Variants in CBFB observed in about 807,000 individuals in gnomAD.
CBFB encodes CBF-beta.
Under a neutral mutation model 30.4 loss-of-function variants are expected in CBFB, and 9 were observed. The ratio of observed to expected loss-of-function variants is 0.30; its 90% CI spans 0.18 to 0.52. The LOEUF (loss-of-function observed/expected upper bound fraction) is 0.52, where lower values mean the gene tolerates loss of function less well. CBFB is among the 20% of genes least tolerant of loss of function. CBFB has a pLI of 0.97. For synonymous variants in CBFB, 94 were observed against 84.0 expected, an observed-to-expected ratio of 1.12 and a Z score of -0.65; for missense variants, 170 against 244.0, an observed-to-expected ratio of 0.70 and a Z score of 2.02.
At chr16:67,029,647 A>G in intron 1 of CBFB, 80 bp from the exon 2 acceptor site, 1 of 1,374,010 alleles carries the variant, frequency 7.3e-7, no homozygotes, top group Non-Finnish European at 1.0e-6. Flanking sequence ...GCTTGCCCTT[A>G]TCGGCGCTGC....
At chr16:67,038,938 C>T (rs1966488227) in intron 3 of CBFB, among the ~76,000 whole-genome samples, 1 of 152,174 alleles carries the variant, frequency 6.6e-6, no homozygotes. Flanking sequence ...TTTAATGATA[C>T]TGCTTCACTA....
intron 2 of CBFB, among the ~76,000 whole-genome samples, chr16:67,031,196 C>T (rs970871890): frequency 1.3e-5 from 2 of 152,122 alleles, no homozygotes; most frequent in African/African-American, 4.8e-5. Context: ...TGAGAAGATA[C>T]TGGTTAAATT....
Position 67,029,741 on chromosome 16 carries a change from C to T in CBFB, c.93C>T (p.Gly31=). Residue 31 remains glycine, a synonymous_variant, in exon 2 of 6, where the codon GGC becomes GGT. Transcript: ENST00000412916. ...TTGCCTTGCAGATTAAGTACACGGG[C>T]TTCAGGGACCGGCCCCACGAGGAAC... is the stretch of plus-strand genomic sequence containing the variant. ...LSRECEIKYT[G]FRDRPHEERQ... 1 of 1,596,290 alleles carries T rather than the reference C, an allele frequency of 6.3e-7. No individual in the cohort carries two copies. Among genetic ancestry groups the T allele is most frequent in the Non-Finnish European group, 8.5e-7 (1 of 1,172,800 alleles).
At chr16:67,053,848 T>TC (rs1960637295) in intron 3 of CBFB, among the ~76,000 whole-genome samples, 1 of 151,810 alleles carries the variant, frequency 6.6e-6, no homozygotes, top group African/African-American at 2.4e-5. Context: ...TTTATCCTTT[T>TC]TTTTTTTTTT....
intron 3 of CBFB, among the ~76,000 whole-genome samples, chr16:67,055,844 T>C (rs1477646776): frequency 6.6e-6 from 1 of 152,208 alleles, no homozygotes; most frequent in Non-Finnish European, 1.5e-5. Context: ...GACTGTCCAT[T>C]TATGAACAGG....
intron 5 of CBFB, 129 bp downstream of exon 5, chr16:67,082,437 A>T (rs1961591701): frequency 8.7e-7 from 1 of 1,145,570 alleles, no homozygotes; most frequent in Non-Finnish European, 1.2e-6. Context: ...AAAAAGTTGT[A>T]CTCTCTGGCT....
chr16:67,050,262 TAATATATA>T (rs1214442597), intron 3 of CBFB, among the ~76,000 whole-genome samples: 1 of 147,712 alleles, frequency 6.8e-6, no homozygotes, highest in Non-Finnish European at 1.5e-5. Context: ...AAATTATATA[TAATATATA>T]AATATATAAT....
chr16:67,083,596 C>T lies in CBFB; in HGVS notation c.495+1288C>T, dbSNP rs1449571828. ...TACAGGCGTGAGCCACTGCGTCTGGCCCATTATTTCAGTTTTTATAGTTAA... is the reference window on the plus strand; with the variant it reads ...TACAGGCGTGAGCCACTGCGTCTGGTCCATTATTTCAGTTTTTATAGTTAA... On this transcript the variant is annotated intron_variant, in intron 5 of 5. Transcript: ENST00000412916. 2.6e-5 allele frequency among the ~76,000 whole-genome samples: 4 copies of T among 152,120 alleles called. 1 individual carries two copies. The highest frequency in any genetic ancestry group is 7.2e-5 in the African/African-American group (3 of 41,422).
chr16:67,037,747 A>T (rs1966466012), intron 3 of CBFB, among the ~76,000 whole-genome samples: 1 of 148,754 alleles, frequency 6.7e-6, no homozygotes, highest in Non-Finnish European at 1.5e-5. Flanking sequence ...GGCTCACAGC[A>T]ACCTCCACCT....
chr16:67,038,652 A>T (rs1338548166), intron 3 of CBFB, among the ~76,000 whole-genome samples: 1 of 152,086 alleles, frequency 6.6e-6, no homozygotes, highest in Non-Finnish European at 1.5e-5. Flanking sequence ...TTGTACGATT[A>T]TTGGTTTTTT....
At chr16:67,036,527 A>G in intron 2 of CBFB, 112 bp from the exon 3 acceptor site, 1 of 633,742 alleles carries the variant, frequency 1.6e-6, no homozygotes, top group Non-Finnish European at 2.9e-6. Flanking sequence ...ACTTTTAAGT[A>G]TTCTCTGTGC....
intron 4 of CBFB, among the ~76,000 whole-genome samples, chr16:67,072,921 C>T (rs1961273265): frequency 6.6e-6 from 1 of 152,084 alleles, no homozygotes; most frequent in South Asian, 2.1e-4. Flanking sequence ...CCATGTTGGC[C>T]AGGCTGGTCT....
At position 67,034,043 on chromosome 16, in the gene CBFB, T is replaced by A. The variant is rs866455903; in HGVS notation, c.166-2596T>A. The stretch of plus-strand genomic sequence containing the variant: ...TGGGGTTTCACTATATTGGCCAGAC[T>A]GGTGTTAAACTTCTGACTTCGTGAT... On this transcript the variant is annotated intron_variant, in intron 2 of 5. Transcript: ENST00000412916. Among the ~76,000 whole-genome samples, 7 of 152,130 alleles carry A rather than the reference T, an allele frequency of 4.6e-5. No individual in the cohort carries two copies. In the South Asian group the frequency reaches 6.2e-4, roughly 14 times the overall value.
At chr16:67,048,665 C>G (rs898161744) in intron 3 of CBFB, among the ~76,000 whole-genome samples, 1 of 151,896 alleles carries the variant, frequency 6.6e-6, no homozygotes, top group African/African-American at 2.4e-5. Context: ...ATTCTACTGC[C>G]TCAGCCTCCC....
intron 4 of CBFB, among the ~76,000 whole-genome samples, chr16:67,081,644 CTA>C (rs765288212): frequency 6.0e-5 from 9 of 150,904 alleles, no homozygotes; most frequent in Non-Finnish European, 1.2e-4. Context: ...TCTACAAAAA[CTA>C]AAAAAAAAAA....
At chr16:67,089,266 C>T (rs1008130653) in intron 5 of CBFB, among the ~76,000 whole-genome samples, 1 of 152,098 alleles carries the variant, frequency 6.6e-6, no homozygotes, top group Non-Finnish European at 1.5e-5. Flanking sequence ...TAATATCTTA[C>T]TCTCTGGGTA....
chr16:67,086,468 T>C (rs1961734592), intron 5 of CBFB, among the ~76,000 whole-genome samples: 1 of 152,242 alleles, frequency 6.6e-6, no homozygotes, highest in Admixed American at 6.5e-5. Flanking sequence ...CTCCACTTTA[T>C]GGCAATCCCA....
chr16:67,093,888 C>T (rs1017170848), intron 5 of CBFB, among the ~76,000 whole-genome samples: 10 of 152,156 alleles, frequency 6.6e-5, no homozygotes, highest in African/African-American at 1.7e-4. Context: ...CCTTCAAAAA[C>T]CTTCATTAGA....
intron 4 of CBFB, among the ~76,000 whole-genome samples, chr16:67,081,724 G>A (rs1325153807): frequency 4.0e-5 from 6 of 151,892 alleles, no homozygotes; most frequent in Admixed American, 3.9e-4. Flanking sequence ...GAGAATTGCT[G>A]TAATGGGGTT....
Sources: allele counts gnomAD v4.1 joint callset (sites outside exome capture counted in the v4.1 genomes callset), GRCh38; gene constraint gnomAD v4.1.1; transcripts MANE v1.5; gene names NCBI Gene and HGNC (gene_info 2026-07-23, HGNC 2026-07-21).